The following CTNND2 variants were observed in gnomAD, a reference collection of about 807,000 sequenced individuals.
CTNND2 encodes catenin delta-2.
CTNND2 carries 22 observed loss-of-function variants against 144.4 expected under a neutral mutation model. The observed-to-expected ratio is 0.15, with a 90% CI of 0.11 to 0.22. The LOEUF is 0.22. CTNND2 is among the 10% of genes least tolerant of loss of function. The pLI is 1.00. For synonymous variants in CTNND2, 751 were observed against 695.6 expected, an observed-to-expected ratio of 1.08 and a Z score of -1.25; for missense variants, 1,353 against 1,618.8, an observed-to-expected ratio of 0.84 and a Z score of 2.82.
chr5:11,628,319 T>C (rs912646156), intron 2 of CTNND2, among the ~76,000 whole-genome samples: 1 of 152,184 alleles, frequency 6.6e-6, no homozygotes, highest in Admixed American at 6.6e-5. Flanking sequence ...TAATGGATAA[T>C]GTTCACTAAG....
chr5:11,898,703 CA>C (rs764543349), intron 1 of CTNND2, among the ~76,000 whole-genome samples: 1 of 151,996 alleles, frequency 6.6e-6, no homozygotes, highest in Non-Finnish European at 1.5e-5. Context: ...TCCAAAAAAA[CA>C]AAAAAACCCA....
At position 11,616,185 on chromosome 5, in the gene CTNND2, CCTT is replaced by C. The variant is rs535263303; in HGVS notation, c.175-51132_175-51130del. Among the ~76,000 whole-genome samples the C allele has an allele frequency of 2.0e-5, 3 of 152,252 alleles. No individual in the cohort carries two copies. In the South Asian group the frequency reaches 6.2e-4, roughly 32 times the overall value. ...ACAGCTTTTCTTTCCAATTTAATCT[CCTT>C]CTCTCCTCTGGGCCATTTTCTCGCT... On this transcript the variant is annotated intron_variant, in intron 2 of 21. Coordinates refer to ENST00000304623, the MANE Select transcript of CTNND2 (RefSeq NM_001332.4).
intron 8 of CTNND2, among the ~76,000 whole-genome samples, chr5:11,359,517 CT>C (rs1383816528): frequency 6.6e-6 from 1 of 152,194 alleles, no homozygotes; most frequent in Non-Finnish European, 1.5e-5. Context: ...AGGGACCACT[CT>C]GTGGCACAAA....
chr5:11,410,792 T>C (rs1403466278), intron 5 of CTNND2, among the ~76,000 whole-genome samples: 1 of 152,138 alleles, frequency 6.6e-6, no homozygotes, highest in Non-Finnish European at 1.5e-5. Context: ...GTACACCATT[T>C]TTTTTCCTAT....
chr5:11,792,084 C>A (rs1337446643), intron 1 of CTNND2, among the ~76,000 whole-genome samples: 3 of 152,122 alleles, frequency 2.0e-5, no homozygotes, highest in Admixed American at 1.3e-4. Context: ...GAATTTCTCA[C>A]CATCAATTCT....
chr5:11,053,398 T>C (rs1420453128), intron 16 of CTNND2, among the ~76,000 whole-genome samples: 1 of 152,252 alleles, frequency 6.6e-6, no homozygotes, highest in Non-Finnish European at 1.5e-5. Context: ...CTACATTGCA[T>C]AATGCACTAA....
At position 11,549,014 on chromosome 5, in the gene CTNND2, A is replaced by G. The variant is rs1306168400; in HGVS notation, c.287+15930T>C. 2.6e-5 allele frequency among the ~76,000 whole-genome samples: 4 copies of G among 152,348 alleles called. No homozygotes were observed. In the East Asian group the frequency reaches 7.7e-4, roughly 29 times the overall value. ...CCCTACCCCAAAAGGTAGTTTAACT[A>G]GAAAAGAGTTAATTTAAATTTAATT... On this transcript the variant is annotated intron_variant, in intron 3 of 21. Coordinates refer to ENST00000304623, the MANE Select transcript of CTNND2 (RefSeq NM_001332.4).
chr5:11,003,138 A>G (rs1227204378), intron 18 of CTNND2, among the ~76,000 whole-genome samples: 1 of 152,172 alleles, frequency 6.6e-6, no homozygotes, highest in East Asian at 1.9e-4. Flanking sequence ...TTTTCACCTT[A>G]GCTGTCCTTG....
chr5:11,222,560 C>T (rs991922781), intron 10 of CTNND2, among the ~76,000 whole-genome samples: 1 of 152,194 alleles, frequency 6.6e-6, no homozygotes, highest in Non-Finnish European at 1.5e-5. Context: ...ATTCTCAGCA[C>T]TTTGGGAGGC....
intron 3 of CTNND2, among the ~76,000 whole-genome samples, chr5:11,501,183 G>GA (rs1490313618): frequency 6.6e-6 from 1 of 152,174 alleles, no homozygotes; most frequent in East Asian, 1.9e-4. Context: ...GCTAATGCTA[G>GA]AAAAATAAAT....
At chr5:11,664,887 T>C (rs987944812) in intron 2 of CTNND2, among the ~76,000 whole-genome samples, 8 of 152,288 alleles carry the variant, frequency 5.3e-5, no homozygotes, top group East Asian at 1.9e-4. Context: ...AAGTATATAA[T>C]TGTAAAATGA....
intron 9 of CTNND2, among the ~76,000 whole-genome samples, chr5:11,262,386 A>G (rs27517): frequency 0.47 from 71,285 of 151,870 alleles, 16,830 homozygotes; most frequent in African/African-American, 0.49. Flanking sequence ...GTTCTGAGAT[A>G]CCTGGTGGAG....
chr5:11,641,736 A>G (rs534400970), intron 2 of CTNND2, among the ~76,000 whole-genome samples: 251 of 23,706 alleles, frequency 0.011, 7 homozygotes, highest in Middle Eastern at 0.029. Flanking sequence ...GTGTGTGTAT[A>G]TACATATACG....
At chr5:10,974,526 A>G (rs1168360141) in intron 21 of CTNND2, among the ~76,000 whole-genome samples, 1 of 152,072 alleles carries the variant, frequency 6.6e-6, no homozygotes, top group Admixed American at 6.5e-5. Flanking sequence ...GTGCATTTGT[A>G]TCTGTTCTAG....
At chr5:11,587,173 A>C (rs866390206) in intron 2 of CTNND2, among the ~76,000 whole-genome samples, 2 of 152,266 alleles carry the variant, frequency 1.3e-5, no homozygotes, top group Non-Finnish European at 1.5e-5. Context: ...GTGAGACTTC[A>C]TAGTCATTTA....
chr5:11,807,369 A>G (rs1283805426), intron 1 of CTNND2, among the ~76,000 whole-genome samples: 1 of 152,038 alleles, frequency 6.6e-6, no homozygotes, highest in Non-Finnish European at 1.5e-5. Flanking sequence ...CATCCCTACT[A>G]CCTTCTGCCT....
intron 5 of CTNND2, among the ~76,000 whole-genome samples, chr5:11,407,718 G>T (rs1440764851): frequency 6.6e-6 from 1 of 152,164 alleles, no homozygotes; most frequent in Non-Finnish European, 1.5e-5. Context: ...GTCCAATTTA[G>T]CATTAGCTGG....
At chr5:11,347,804 T>A (rs970684351) in intron 8 of CTNND2, among the ~76,000 whole-genome samples, 1 of 152,222 alleles carries the variant, frequency 6.6e-6, no homozygotes, top group African/African-American at 2.4e-5. Context: ...GCTTATTTTA[T>A]CCTCTTTTAC....
intron 18 of CTNND2, among the ~76,000 whole-genome samples, chr5:11,005,412 G>A (rs188397004): frequency 1.2e-3 from 178 of 152,284 alleles, no homozygotes; most frequent in Middle Eastern, 6.8e-3. Flanking sequence ...TATTCTGAAT[G>A]CTTAATGGAA....
Sources: gnomAD v4.1 joint callset for allele counts (sites outside exome capture counted in the v4.1 genomes callset) on GRCh38, gnomAD v4.1.1 for gene constraint, MANE v1.5 for transcripts, NCBI Gene and HGNC (gene_info 2026-07-23, HGNC 2026-07-21) for gene names.